The following LRRC7 variants were observed in gnomAD, a reference collection of about 807,000 sequenced individuals.
LRRC7 encodes leucine rich repeat containing 7, also known as leucine-rich repeat-containing protein 7.
Under a neutral mutation model 175.7 loss-of-function variants are expected in LRRC7, and 23 were observed. The ratio of observed to expected loss-of-function variants is 0.13; its 90% CI spans 0.09 to 0.19. The LOEUF (loss-of-function observed/expected upper bound fraction) is 0.19. Ranked by LOEUF, LRRC7 falls within the 10% of genes least tolerant of loss-of-function variation. LRRC7 has a pLI of 1.00. For synonymous variants in LRRC7, 685 were observed against 680.9 expected (o/e 1.01, Z -0.09); for missense variants, 1,354 against 1,904.7 (o/e 0.71, Z 5.38).
intron 26 of LRRC7, among the ~76,000 whole-genome samples, chr1:70,115,508 C>T (rs1052078028): frequency 5.9e-5 from 9 of 152,248 alleles, no homozygotes; most frequent in Middle Eastern, 3.4e-3. Flanking sequence ...CACACCATTA[C>T]GCAATACTGA....
At position 69,628,950 on chromosome 1, in the gene LRRC7, C is replaced by T. The variant is rs573440544; in HGVS notation, c.3-49431C>T. Among the ~76,000 whole-genome samples, 34 of 152,166 alleles carry T rather than the reference C, an allele frequency of 2.2e-4. 1 individual carries two copies. In the South Asian group the frequency reaches 7.1e-3, roughly 32 times the overall value. ...AATGAATCTAGACACAGACCTTACACCCTTCACAAAAAATAGCTCAAAATG... is the reference window on the plus strand; with the variant it reads ...AATGAATCTAGACACAGACCTTACATCCTTCACAAAAAATAGCTCAAAATG... On this transcript the variant is annotated intron_variant, in intron 1 of 26. Coordinates refer to ENST00000651989, the MANE Select transcript of LRRC7 (RefSeq NM_001370785.2).
At chr1:69,719,351 C>T (rs536093915) in intron 2 of LRRC7, among the ~76,000 whole-genome samples, 68 of 151,698 alleles carry the variant, frequency 4.5e-4, no homozygotes, top group Non-Finnish European at 8.3e-4. Context: ...TCAGTTCTTT[C>T]CTCTCTTTGG....
chr1:69,937,825 A>G (rs1648206437), intron 8 of LRRC7, among the ~76,000 whole-genome samples: 1 of 151,994 alleles, frequency 6.6e-6, no homozygotes, highest in Non-Finnish European at 1.5e-5. Context: ...TCAGAGAAGA[A>G]GAATTTTAAA....
At chr1:69,857,391 A>C (rs975651975) in intron 7 of LRRC7, among the ~76,000 whole-genome samples, 3 of 152,200 alleles carry the variant, frequency 2.0e-5, no homozygotes, top group Middle Eastern at 6.3e-3. Context: ...AAATCTCCTT[A>C]AGCTGATAAG....
intron 22 of LRRC7, among the ~76,000 whole-genome samples, chr1:70,048,923 T>C (rs992551560): frequency 1.3e-5 from 2 of 152,128 alleles, no homozygotes; most frequent in Admixed American, 6.6e-5. Flanking sequence ...GAGAAAATCA[T>C]TGGCCTTTCC....
intron 7 of LRRC7, among the ~76,000 whole-genome samples, chr1:69,900,237 G>A (rs887725267): frequency 2.0e-5 from 3 of 152,150 alleles, no homozygotes; most frequent in African/African-American, 7.2e-5. Context: ...ATGGAAGAGA[G>A]TCAATAGTTT....
chr1:70,042,613 C>T (rs140073453), intron 21 of LRRC7, among the ~76,000 whole-genome samples: 1 of 152,310 alleles, frequency 6.6e-6, no homozygotes, highest in African/African-American at 2.4e-5. Context: ...TGCAGAGCCA[C>T]ACTATGACAG....
chr1:70,058,905 C>G (rs984666485), intron 23 of LRRC7, among the ~76,000 whole-genome samples: 2 of 152,130 alleles, frequency 1.3e-5, no homozygotes, highest in Non-Finnish European at 2.9e-5. Flanking sequence ...TAAAATGATA[C>G]TCTTTTAAAA....
chr1:69,703,512 A>G (rs1406861843), intron 2 of LRRC7, among the ~76,000 whole-genome samples: 5 of 152,004 alleles, frequency 3.3e-5, no homozygotes, highest in African/African-American at 1.2e-4. Context: ...AGAACATTGT[A>G]TTACACTTAT....
intron 23 of LRRC7, among the ~76,000 whole-genome samples, chr1:70,066,989 C>A (rs1015211389): frequency 6.6e-6 from 1 of 151,990 alleles, no homozygotes; most frequent in African/African-American, 2.4e-5. Context: ...GTGAATTATG[C>A]AAACATTGTG....
chr1:70,076,535 A>G (rs373413354), intron 24 of LRRC7, among the ~76,000 whole-genome samples: 3 of 152,138 alleles, frequency 2.0e-5, no homozygotes, highest in East Asian at 1.9e-4. Context: ...ATGGGGCAGA[A>G]TAGTTTTTCC....
chr1:69,727,421 CT>C (rs1667095423), intron 2 of LRRC7, among the ~76,000 whole-genome samples: 1 of 152,182 alleles, frequency 6.6e-6, no homozygotes, highest in Admixed American at 6.5e-5. Flanking sequence ...AATCTGACTC[CT>C]TTACTGACAG....
Position 69,803,414 on chromosome 1 carries a change from A to G in LRRC7, c.421+11254A>G, listed in dbSNP as rs76279782. Reference sequence around the variant, plus strand: ...TATTTCCCTTCATTTAGGTCTTACTATGTGTTGTTCAATAAAACTTTGTGA... The same window carrying G: ...TATTTCCCTTCATTTAGGTCTTACTGTGTGTTGTTCAATAAAACTTTGTGA... On this transcript the variant is annotated intron_variant, in intron 4 of 26. Transcript: ENST00000651989. Among the ~76,000 whole-genome samples the G allele has an allele frequency of 4.4e-3, 661 of 151,514 alleles. 5 individuals are homozygous for G. Among genetic ancestry groups the G allele is most frequent in the African/African-American group, 0.015 (625 of 41,484 alleles).
chr1:69,628,537 A>T (rs912254268), intron 1 of LRRC7, among the ~76,000 whole-genome samples: 1 of 152,170 alleles, frequency 6.6e-6, no homozygotes, highest in Admixed American at 6.5e-5. Context: ...TATTGTCAAG[A>T]TCTCAGTTTT....
At chr1:69,925,354 G>T (rs1341923507) in intron 7 of LRRC7, among the ~76,000 whole-genome samples, 1 of 152,100 alleles carries the variant, frequency 6.6e-6, no homozygotes, top group Non-Finnish European at 1.5e-5. Flanking sequence ...TCTATTGATT[G>T]GAATAGTTTC....
chr1:69,572,170 T>C (rs1278935490), intron 1 of LRRC7, among the ~76,000 whole-genome samples: 1 of 152,160 alleles, frequency 6.6e-6, no homozygotes, highest in Admixed American at 6.5e-5. Context: ...TCATTGGAGA[T>C]GACTCTAGGC....
intron 1 of LRRC7, among the ~76,000 whole-genome samples, chr1:69,649,830 G>A (rs76696215): frequency 0.015 from 2,242 of 150,924 alleles, 58 homozygotes; most frequent in African/African-American, 0.052. Context: ...TGGTAAAGAT[G>A]GCTTAAAGAA....
intron 10 of LRRC7, among the ~76,000 whole-genome samples, chr1:69,990,419 T>C (rs1254142167): frequency 2.0e-5 from 3 of 152,078 alleles, no homozygotes. Context: ...AAGATGTTAT[T>C]TATGAACTTA....
intron 26 of LRRC7, 21 bp downstream of exon 26, chr1:70,107,847 G>C: frequency 6.4e-7 from 1 of 1,570,606 alleles, no homozygotes; most frequent in South Asian, 1.1e-5. Context: ...TAAAAGAAAT[G>C]CATGCAAATG....
Sources: gnomAD v4.1 joint callset for allele counts (sites outside exome capture counted in the v4.1 genomes callset) on GRCh38, gnomAD v4.1.1 for gene constraint, MANE v1.5 for transcripts, NCBI Gene and HGNC (gene_info 2026-07-23, HGNC 2026-07-21) for gene names.